TSPAN32: variants seen among roughly 807,000 people sequenced by gnomAD.
TSPAN32 encodes the protein tetraspanin 32.
A neutral mutation model predicts 42.7 loss-of-function variants in TSPAN32; 47 were observed. The observed-to-expected ratio is 1.10, with a 90% CI of 0.87 to 1.40. TSPAN32 has a LOEUF of 1.40. TSPAN32 is among the 40% of genes most tolerant of loss of function. The pLI is 0.00. For synonymous variants in TSPAN32, 175 were observed against 175.9 expected, an observed-to-expected ratio of 0.99 and a Z score of 0.04; for missense variants, 469 against 424.1, an observed-to-expected ratio of 1.11 and a Z score of -0.93.
intron 6 of TSPAN32, chr11:2,314,775 G>A: frequency 1.7e-6 from 1 of 585,804 alleles, no homozygotes. Context: ...CCATTGGGTG[G>A]CCAGGCTGGG....
Position 2,302,193 on chromosome 11 carries a change from T to C in TSPAN32, c.44T>C (p.Leu15Pro), listed in dbSNP as rs777152824. 5 of 1,388,340 alleles carry C rather than the reference T, an allele frequency of 3.6e-6. No homozygotes were observed. The highest frequency in any genetic ancestry group is 4.7e-6 in the Non-Finnish European group (5 of 1,065,580). 86.0% of individuals were successfully genotyped at this position (1,388,340 alleles called of 1,614,324 possible). Residue 15 changes from leucine to proline, a missense_variant, in exon 1 of 10, where the codon CTG becomes CCG. Coordinates refer to ENST00000182290, the MANE Select transcript of TSPAN32 (RefSeq NM_139022.3). The part of the protein sequence containing the change: ...SRVRVAKCQM[L>P]VTCFFILLLG... The stretch of plus-strand genomic sequence containing the variant: ...GTCAGGGTTGCCAAATGCCAGATGC[T>C]GGTCACCTGCTTCTTTATCTTGGTA...
chr11:2,313,674 C>T lies in TSPAN32; in HGVS notation c.375C>T (p.Asp125=), dbSNP rs1564964509. ...SPTQVEDAML[D]TYDLVYEQAM... is the part of the protein sequence containing the mutation. ...TGCAGGTGGAGGACGCCATGCTGGA[C>T]ACCTACGACCTGGTATATGAGCAGG... Residue 125 remains aspartate (D), a synonymous_variant, in exon 5 of 10, where the codon GAC becomes GAT. Coordinates refer to ENST00000182290, the MANE Select transcript of TSPAN32 (RefSeq NM_139022.3). The surrounding 1 kb of genome is among the most constrained non-coding windows in gnomAD (Gnocchi z 9.1). The T allele has an allele frequency of 1.2e-6, 2 of 1,607,798 alleles. No individual in the cohort carries two copies. Among genetic ancestry groups the T allele is most frequent in the Non-Finnish European group, 1.7e-6 (2 of 1,177,744 alleles).
chr11:2,304,181 G>A lies in TSPAN32; in HGVS notation c.256G>A (p.Glu86Lys), dbSNP rs747759649. 70 of 1,582,862 alleles carry A rather than the reference G, an allele frequency of 4.4e-5. No individual in the cohort carries two copies. Among genetic ancestry groups the A allele is most frequent in the Admixed American group, 1.1e-4 (6 of 54,930 alleles). ...GCTGAGCGCTGCAGCCACCGTGAGG[G>A]AGGCCCAGGGCCTCATGGCAGGGGT... ...AVLSAAATVR[E>K]AQGLMAGGFL... Residue 86 changes from glutamate to lysine, a missense_variant, in exon 3 of 10, where the codon GAG (glutamate) becomes AAG (lysine). Transcript: ENST00000182290. This position sits in a 1 kb window ranked among gnomAD's most constrained non-coding sequence, Gnocchi z 4.8.
At position 2,311,903 on chromosome 11, in the gene TSPAN32, C is replaced by A. The variant is rs1044048947; in HGVS notation, c.355-1751C>A. On this transcript the variant is annotated intron_variant, in intron 4 of 9. Coordinates refer to ENST00000182290, the MANE Select transcript of TSPAN32 (RefSeq NM_139022.3). ...GAGCCCAGGCCCCGTGGAGAGCAGC[C>A]GGCCCGGCCTCCAGGGCCCTCCAGG... Among the ~76,000 whole-genome samples, 3 of 152,220 alleles carry A rather than the reference C, an allele frequency of 2.0e-5. No homozygotes were observed. The South Asian group carries it at 6.2e-4, about 32-fold the overall frequency.
rs112980712 is a variant in TSPAN32, at chr11:2,309,536, G to C, written c.354+726G>C. On this transcript the variant is annotated intron_variant, in intron 4 of 9. Coordinates refer to ENST00000182290, the MANE Select transcript of TSPAN32 (RefSeq NM_139022.3). The stretch of plus-strand genomic sequence containing the variant: ...GTGAGAGCCCCCAGGGCAGCCGGGC[G>C]GCACCAGGGACAGCCACGGGCAGGG... 8.4e-6 allele frequency: 3 copies of C among 356,188 alleles called. No homozygotes were observed. The East Asian group carries it at 2.3e-4, about 27-fold the overall frequency. The allele number at this position is 356,188 out of a possible 1,614,324, so 22.1% of individuals were successfully genotyped here.
intron 6 of TSPAN32, 42 bp from the exon 7 acceptor site, chr11:2,316,187 G>T: frequency 6.6e-7 from 1 of 1,514,578 alleles, no homozygotes. Flanking sequence ...CAGGCAGGGA[G>T]GGCCGCTCAG....
intron 4 of TSPAN32, among the ~76,000 whole-genome samples, chr11:2,310,265 A>G (rs1055118099): frequency 2.6e-5 from 4 of 152,092 alleles, no homozygotes; most frequent in African/African-American, 7.2e-5. Flanking sequence ...TGGAGCCACA[A>G]TTCTGGAGGG....
In TSPAN32 at chr11:2,317,893, G is replaced by C; in HGVS notation, c.932G>C (p.Ser311Thr). ...CAGGGCAGAAGTCGCGGTGGGCTCA[G>C]TGGGTGCCCTGAGCGGGGTCTCTCA... ...ALQGRSRGGL[S>T]GCPERGLSD Residue 311 changes from serine to threonine, a missense_variant, in exon 10 of 10, where the codon AGT (serine) becomes ACT (threonine). Transcript: ENST00000182290. The surrounding 1 kb of genome is among the most constrained non-coding windows in gnomAD (Gnocchi z 6.2). 7.2e-7 allele frequency: 1 copy of C among 1,385,816 alleles called. No individual in the cohort carries two copies. Among genetic ancestry groups the C allele is most frequent in the Non-Finnish European group, 1.0e-6 (1 of 971,808 alleles). The allele number at this position is 1,385,816 out of a possible 1,614,324, so 85.8% of individuals were successfully genotyped here. A position where few individuals can be genotyped will look rare whatever the true frequency, so the allele number is the denominator to read the frequency against.
chr11:2,310,622 A>C (rs1308129304), intron 4 of TSPAN32, among the ~76,000 whole-genome samples: 1 of 152,226 alleles, frequency 6.6e-6, no homozygotes, highest in Non-Finnish European at 1.5e-5. Context: ...ATATGAAGTC[A>C]GTGTCCTTGG....
At chr11:2,310,393 C>T (rs1848395256) in intron 4 of TSPAN32, among the ~76,000 whole-genome samples, 1 of 152,174 alleles carries the variant, frequency 6.6e-6, no homozygotes, top group Admixed American at 6.5e-5. Context: ...TGTCCCAGCC[C>T]CAGGCAGCAT....
Position 2,314,495 on chromosome 11 carries a change from G to A in TSPAN32, c.467G>A (p.Cys156Tyr). 6.2e-7 allele frequency: 1 copy of A among 1,612,184 alleles called. No individual in the cohort carries two copies. The change falls in exon 6 of 10, where the codon TGT becomes TAT. Residue 156 changes from cysteine to tyrosine, a missense_variant. Physicochemically the swap from Cys to Tyr is radical, Grantham distance 194 (BLOSUM62 -2). Transcript: ENST00000182290. ...CTTCTGTTCCTGTAGTTTCTGTGCT[G>A]TGGGAAGAAGTCTCCTTTCAGCCGT... ...LAAIQDVFLC[C>Y]GKKSPFSRLG... is the part of the protein sequence containing the mutation.
At position 2,304,979 on chromosome 11, in the gene TSPAN32, C is replaced by T. The variant is rs1847993567; in HGVS notation, c.279+775C>T. The stretch of plus-strand genomic sequence containing the variant: ...CCTCTAGCCTCCCGTCTCCCCTTTC[C>T]AGCCATGAGGAGCTTGTGCTGGGGG... On this transcript the variant is annotated intron_variant, in intron 3 of 9. Coordinates refer to ENST00000182290, the MANE Select transcript of TSPAN32 (RefSeq NM_139022.3). The surrounding 1 kb of genome is among the most constrained non-coding windows in gnomAD (Gnocchi z 4.8). 1.3e-5 allele frequency among the ~76,000 whole-genome samples: 2 copies of T among 152,218 alleles called. No individual in the cohort carries two copies. Among genetic ancestry groups the T allele is most frequent in the African/African-American group, 2.4e-5 (1 of 41,456 alleles).
intron 1 of TSPAN32, 52 bp from the exon 2 acceptor site, chr11:2,302,792 C>T (rs770328412): frequency 3.3e-6 from 5 of 1,520,634 alleles, no homozygotes; most frequent in Admixed American, 1.7e-5. Context: ...GCCGAGCTCC[C>T]TGCTCCTGCA....
At chr11:2,308,532 CA>C (rs1385408433) in intron 3 of TSPAN32, among the ~76,000 whole-genome samples, 21 of 2,044 alleles carry the variant, frequency 0.01, no homozygotes, top group South Asian at 0.027. Flanking sequence ...GACCAGCCCC[CA>C]ACAGTGACCA....
chr11:2,308,848 C>G, intron 4 of TSPAN32, 38 bp downstream of exon 4: 1 of 1,349,958 alleles, frequency 7.4e-7, no homozygotes, highest in Non-Finnish European at 1.0e-6. Flanking sequence ...GTGGAGGGTC[C>G]CCCAGTAAGC....
At position 2,317,811 on chromosome 11, in the gene TSPAN32, G is replaced by T. The variant is rs2234315; in HGVS notation, c.902-52G>T. On this transcript the variant is annotated intron_variant, in intron 9 of 9. Transcript: ENST00000182290. The surrounding 1 kb of genome is among the most constrained non-coding windows in gnomAD (Gnocchi z 6.2). ...TGCACTGGTTTTCTATGCTGCGTAA[G>T]AAGCAGCATGGATGTAAGGACTGCA... The T allele has an allele frequency of 7.5e-6, 12 of 1,604,362 alleles. No homozygotes were observed. The highest frequency in any genetic ancestry group is 1.3e-5 in the African/African-American group (1 of 74,642).
At chr11:2,308,244 C>A (rs1848226887) in intron 3 of TSPAN32, among the ~76,000 whole-genome samples, 1 of 152,150 alleles carries the variant, frequency 6.6e-6, no homozygotes, top group South Asian at 2.1e-4. Context: ...AGCGCCCACG[C>A]TCTCCCCAGG....
At position 2,308,794 on chromosome 11, in the gene TSPAN32, T is replaced by C; in HGVS notation, c.338T>C (p.Leu113Pro). 1 of 1,569,682 alleles carries C rather than the reference T, an allele frequency of 6.4e-7. No individual in the cohort carries two copies. Among genetic ancestry groups the C allele is most frequent in the Non-Finnish European group, 8.6e-7 (1 of 1,157,310 alleles). Residue 113 changes from leucine to proline, a missense_variant, in exon 4 of 10, where the codon CTC (leucine) becomes CCC (proline). Physicochemically the swap from Leu to Pro is moderately conservative, Grantham distance 98. Coordinates refer to ENST00000182290, the MANE Select transcript of TSPAN32 (RefSeq NM_139022.3). ...CAGGTGCAGGTGGTGTTCTGGAGAC[T>C]CCACAGCCCCACCCAGGTGAGCACC... Reference protein sequence around the residue: ...CAQVQVVFWRLHSPTQVEDAM... With the variant: ...CAQVQVVFWRPHSPTQVEDAM...
chr11:2,303,259 A>T (rs1021652275), intron 2 of TSPAN32, among the ~76,000 whole-genome samples: 1 of 150,892 alleles, frequency 6.6e-6, no homozygotes, highest in Non-Finnish European at 1.5e-5. Context: ...GGCTCTGTGC[A>T]GTCAGGGCTC....
Sources: allele counts gnomAD v4.1 joint callset (sites outside exome capture counted in the v4.1 genomes callset), GRCh38; gene constraint gnomAD v4.1.1; non-coding constraint Gnocchi (gnomAD v3.1); transcripts MANE v1.5; gene names NCBI Gene and HGNC (gene_info 2026-07-23, HGNC 2026-07-21).